Variants in ARMC9 observed in about 807,000 individuals in gnomAD.
The protein encoded by ARMC9 is lisH domain-containing protein ARMC9.
ARMC9 carries 94 observed loss-of-function variants against 107.0 expected under a neutral mutation model. That is an observed-to-expected ratio of 0.88 (90% confidence interval 0.74 to 1.04). The LOEUF (loss-of-function observed/expected upper bound fraction) is 1.04, where lower values mean the gene tolerates loss of function less well. Ranked by LOEUF, ARMC9 falls within the 50% of genes least tolerant of loss-of-function variation. The pLI is 0.00. For synonymous variants in ARMC9, 380 were observed against 396.9 expected (o/e 0.96, Z 0.51); for missense variants, 942 against 1,030.1 (o/e 0.91, Z 1.17).
intron 19 of ARMC9, among the ~76,000 whole-genome samples, chr2:231,329,657 A>G (rs2043587561): frequency 6.6e-6 from 1 of 152,168 alleles, no homozygotes; most frequent in Non-Finnish European, 1.5e-5. Context: ...AATGTTGTAT[A>G]TGTTTTGTTA....
chr2:231,243,732 G>C (rs2036510947), intron 9 of ARMC9, among the ~76,000 whole-genome samples: 1 of 152,192 alleles, frequency 6.6e-6, no homozygotes, highest in South Asian at 2.1e-4. Context: ...AAAAGCGTAT[G>C]GGGGGTCATT....
chr2:231,371,432 A>G, intron 24 of ARMC9, 81 bp from the exon 25 acceptor site: 1 of 1,338,012 alleles, frequency 7.5e-7, no homozygotes, highest in Non-Finnish European at 9.6e-7. Flanking sequence ...GAGCCGGCTG[A>G]AAGAGGGACT....
chr2:231,263,303 A>G (rs867916846), intron 12 of ARMC9, among the ~76,000 whole-genome samples: 3 of 152,220 alleles, frequency 2.0e-5, no homozygotes, highest in Non-Finnish European at 4.4e-5. Flanking sequence ...AGAATACCAC[A>G]GATAGGGTAA....
intron 17 of ARMC9, among the ~76,000 whole-genome samples, chr2:231,285,764 A>G (rs370126408): frequency 3.9e-5 from 6 of 152,328 alleles, no homozygotes; most frequent in African/African-American, 1.4e-4. Flanking sequence ...GCAGTTGCCT[A>G]CTTAATTATT....
At chr2:231,324,416 A>G (rs2043194508) in intron 19 of ARMC9, among the ~76,000 whole-genome samples, 1 of 150,520 alleles carries the variant, frequency 6.6e-6, no homozygotes, top group African/African-American at 2.4e-5. Flanking sequence ...CACGCGGCCT[A>G]TAAAGTACGT....
rs557481691 is a variant in ARMC9, at chr2:231,308,311, A to G, written c.1773+12058A>G. On this transcript the variant is annotated intron_variant, in intron 19 of 24. Transcript: ENST00000611582. ...CTATTCTTAGCCCCATTTTATGGAT[A>G]AGAAAACCAAAGTTCAGAGAGGTTC... 7.2e-5 allele frequency among the ~76,000 whole-genome samples: 11 copies of G among 152,316 alleles called. No individual in the cohort carries two copies. The South Asian group carries it at 1.9e-3, about 26-fold the overall frequency.
chr2:231,207,549 C>T (rs2032201951), intron 2 of ARMC9, among the ~76,000 whole-genome samples: 2 of 151,906 alleles, frequency 1.3e-5, no homozygotes, highest in Non-Finnish European at 2.9e-5. Context: ...TTTCTCTGCT[C>T]ACTGCAACCT....
intron 24 of ARMC9, 68 bp downstream of exon 24, chr2:231,370,193 T>C: frequency 7.0e-7 from 1 of 1,432,944 alleles, no homozygotes; most frequent in South Asian, 1.4e-5. Context: ...AAGGGCATTT[T>C]GCTGCTATAT....
At chr2:231,217,487 T>C (rs1009807512) in intron 5 of ARMC9, among the ~76,000 whole-genome samples, 1 of 149,942 alleles carries the variant, frequency 6.7e-6, no homozygotes, top group African/African-American at 2.5e-5. Context: ...GAACAGTTGC[T>C]CAAACCCGGG....
intron 20 of ARMC9, among the ~76,000 whole-genome samples, chr2:231,340,914 CAA>C (rs1356882500): frequency 6.6e-6 from 1 of 151,678 alleles, no homozygotes; most frequent in Non-Finnish European, 1.5e-5. Context: ...AAACAAAAAA[CAA>C]GTGTAGGGCT....
At chr2:231,364,770 C>T (rs1488836602) in intron 23 of ARMC9, among the ~76,000 whole-genome samples, 1 of 151,728 alleles carries the variant, frequency 6.6e-6, no homozygotes, top group Non-Finnish European at 1.5e-5. Context: ...TGCACTCCAG[C>T]CTGGACAACA....
intron 19 of ARMC9, among the ~76,000 whole-genome samples, chr2:231,299,401 G>A (rs967777678): frequency 7.2e-5 from 11 of 152,304 alleles, no homozygotes; most frequent in South Asian, 4.2e-4. Context: ...CTGCAAGGGG[G>A]GAATAGGAAT....
At chr2:231,296,166 C>G (rs1025252686) in intron 18 of ARMC9, 32 bp from the exon 19 acceptor site, 3 of 1,556,296 alleles carry the variant, frequency 1.9e-6, no homozygotes, top group Non-Finnish European at 2.7e-6. Context: ...CACTGTTTAT[C>G]CATTATTCAT....
chr2:231,220,190 G>A (rs1187458010), intron 5 of ARMC9, among the ~76,000 whole-genome samples: 3 of 151,682 alleles, frequency 2.0e-5, no homozygotes, highest in Non-Finnish European at 4.4e-5. Context: ...CATTGAATTT[G>A]TAATTTCAGT....
intron 23 of ARMC9, among the ~76,000 whole-genome samples, chr2:231,361,842 A>G (rs989274797): frequency 6.6e-6 from 1 of 152,160 alleles, no homozygotes; most frequent in Admixed American, 6.5e-5. Flanking sequence ...ACCTGCACCC[A>G]CTGGTGGAGA....
chr2:231,319,553 A>C (rs1194553628), intron 19 of ARMC9, among the ~76,000 whole-genome samples: 1 of 152,176 alleles, frequency 6.6e-6, no homozygotes, highest in African/African-American at 2.4e-5. Flanking sequence ...CATGCTCCTT[A>C]AACTGCTAAG....
Position 231,370,049 on chromosome 2 carries a change from C to G in ARMC9, c.2358C>G (p.Ala786=). ...CCAAGGCAAAGGCGTCAGTTCTGGC[C>G]CCTCTGTTCTCTTCGTGTGGCCCCC... ...NPPKAKASVL[A]PLFSSCGPQQ... The change falls in exon 24 of 25, where the codon GCC becomes GCG. Residue 786 remains alanine (A), a synonymous_variant. Transcript: ENST00000611582. The G allele has an allele frequency of 6.5e-7, 1 of 1,535,600 alleles. No individual in the cohort carries two copies. Among genetic ancestry groups the G allele is most frequent in the South Asian group, 1.2e-5 (1 of 83,984 alleles).
chr2:231,314,597 T>C (rs2042557742), intron 19 of ARMC9, among the ~76,000 whole-genome samples: 1 of 152,228 alleles, frequency 6.6e-6, no homozygotes, highest in Non-Finnish European at 1.5e-5. Context: ...TTTAGCGGCA[T>C]CCATGGCCTC....
At chr2:231,284,823 A>G (rs563354476) in intron 17 of ARMC9, among the ~76,000 whole-genome samples, 14 of 152,348 alleles carry the variant, frequency 9.2e-5, no homozygotes, top group South Asian at 2.1e-4. Context: ...CTGTGGGTCA[A>G]AGAAAAAAGC....
Sources: allele counts gnomAD v4.1 joint callset (sites outside exome capture counted in the v4.1 genomes callset), GRCh38; gene constraint gnomAD v4.1.1; transcripts MANE v1.5; gene names NCBI Gene and HGNC (gene_info 2026-07-23, HGNC 2026-07-21).